CSNK1A1: variants seen among roughly 807,000 people sequenced by gnomAD.
CSNK1A1 encodes the protein casein kinase I isoform alpha.
In CSNK1A1, 7 loss-of-function variants were observed where a neutral mutation model predicts 46.1. That is an observed-to-expected ratio of 0.15 (90% CI 0.09 to 0.29). The LOEUF (loss-of-function observed/expected upper bound fraction) is 0.29. CSNK1A1 is among the 10% of genes least tolerant of loss of function. CSNK1A1 has a pLI of 1.00. For missense variants in CSNK1A1, 96 were observed against 417.1 expected (o/e 0.23, Z 6.71); for synonymous variants, 137 against 141.5 (o/e 0.97, Z 0.23).
chr5:149,544,758 T>TATATATATATATATATATATATACAC lies in CSNK1A1; in HGVS notation c.230+5316_230+5317insGTGTATATATATATATATATATATAT, dbSNP rs150989849. ...AGCTTTATATATATATATATATATA[T>TATATATATATATATATATATATACAC]ATATATAGTTATTGACCAATCATGT... On this transcript the variant is annotated intron_variant, in intron 2 of 9. Coordinates refer to ENST00000377843, the MANE Select transcript of CSNK1A1 (RefSeq NM_001892.6). 7.5e-4 allele frequency among the ~76,000 whole-genome samples: 97 copies of TATATATATATATATATATATATACAC among 129,240 alleles called. 1 individual carries two copies. The highest frequency in any genetic ancestry group is 2.9e-3 in the African/African-American group (91 of 31,514). The allele number at this position is 129,240 out of a possible 152,430, so 84.8% of individuals were successfully genotyped here. A position where few individuals can be genotyped will look rare whatever the true frequency, so the allele number is the denominator to read the frequency against.
chr5:149,538,741 G>A (rs575952945), intron 2 of CSNK1A1, among the ~76,000 whole-genome samples: 1 of 152,222 alleles, frequency 6.6e-6, no homozygotes, highest in South Asian at 2.1e-4. Context: ...TGGCCAACAA[G>A]GAGAAACCCC....
chr5:149,497,687 AC>A, intron 9 of CSNK1A1: 1 of 985,464 alleles, frequency 1.0e-6, no homozygotes, highest in South Asian at 4.7e-5. Context: ...CTCACCAGAC[AC>A]CCACTCTGAG....
chr5:149,528,285 CA>C lies in CSNK1A1; in HGVS notation c.231-3115del, dbSNP rs1403783961. Among the ~76,000 whole-genome samples the C allele has an allele frequency of 4.6e-5, 7 of 152,302 alleles. No homozygotes were observed. In the Middle Eastern group the frequency reaches 0.01, roughly 222 times the overall value. On this transcript the variant is annotated intron_variant, in intron 2 of 9. Coordinates refer to ENST00000377843, the MANE Select transcript of CSNK1A1 (RefSeq NM_001892.6). ...AATAGCTAAAAAAAAATAAGCGTCT[CA>C]AAGGCATTTTACCTTGTGGAGCAAC...
intron 7 of CSNK1A1, 68 bp from the exon 8 acceptor site, chr5:149,507,201 A>C: frequency 1.7e-6 from 2 of 1,207,226 alleles, no homozygotes; most frequent in East Asian, 2.5e-5. Flanking sequence ...AATGCATTTA[A>C]GTATAAGCAA....
rs1554117937 is a variant in CSNK1A1, at chr5:149,543,487, G to GA, written c.230+6587_230+6588insT. Among the ~76,000 whole-genome samples the GA allele has an allele frequency of 2.0e-5, 3 of 146,710 alleles. No homozygotes were observed. The East Asian group carries it at 6.0e-4, about 29-fold the overall frequency. On this transcript the variant is annotated intron_variant, in intron 2 of 9. Coordinates refer to ENST00000377843, the MANE Select transcript of CSNK1A1 (RefSeq NM_001892.6). ...GTGATCTGTGACGTACGTTTTTCTG[G>GA]TTTTTTTTTTTTAGTCCAAGCTAAG...
At chr5:149,531,475 G>A (rs1246049943) in intron 2 of CSNK1A1, among the ~76,000 whole-genome samples, 3 of 151,262 alleles carry the variant, frequency 2.0e-5, no homozygotes, top group Non-Finnish European at 2.9e-5. Flanking sequence ...CCGAGATCAC[G>A]CTATTGCACT....
intron 7 of CSNK1A1, among the ~76,000 whole-genome samples, chr5:149,507,396 T>G (rs1466194099): frequency 6.6e-6 from 1 of 152,170 alleles, no homozygotes; most frequent in African/African-American, 2.4e-5. Flanking sequence ...AGTACTATGT[T>G]CTTAAATAAC....
At chr5:149,504,921 T>C (rs1760977400) in intron 9 of CSNK1A1, 2 of 985,446 alleles carry the variant, frequency 2.0e-6, no homozygotes, top group Non-Finnish European at 1.2e-6. Context: ...ATAGACACTT[T>C]GGGGGTAATG....
intron 7 of CSNK1A1, among the ~76,000 whole-genome samples, chr5:149,508,028 T>G (rs1374009068): frequency 6.6e-6 from 1 of 152,150 alleles, no homozygotes; most frequent in Non-Finnish European, 1.5e-5. Context: ...TACAAAATAT[T>G]AAAAGAGCAC....
intron 9 of CSNK1A1, chr5:149,504,058 C>A: frequency 1.0e-6 from 1 of 985,422 alleles, no homozygotes; most frequent in Non-Finnish European, 1.2e-6. Context: ...ACATTATGAA[C>A]TTCTTGGCAC....
At chr5:149,510,488 GT>G (rs1196291381) in intron 6 of CSNK1A1, among the ~76,000 whole-genome samples, 3 of 150,098 alleles carry the variant, frequency 2.0e-5, no homozygotes, top group Admixed American at 6.6e-5. Flanking sequence ...TTGTTTGTTT[GT>G]TTTTTTGAGA....
intron 9 of CSNK1A1, chr5:149,497,477 T>G: frequency 1.0e-6 from 1 of 986,038 alleles, no homozygotes; most frequent in South Asian, 4.7e-5. Context: ...CTTTATTTAC[T>G]TCTCAAGCCT....
At chr5:149,545,810 T>C in intron 2 of CSNK1A1, 1 of 488,138 alleles carries the variant, frequency 2.0e-6, no homozygotes, top group Non-Finnish European at 3.7e-6. Flanking sequence ...GTCTGTACCT[T>C]AAGCCGCGGC....
At chr5:149,521,596 A>T (rs1179948931) in intron 3 of CSNK1A1, among the ~76,000 whole-genome samples, 2 of 151,210 alleles carry the variant, frequency 1.3e-5, no homozygotes, top group Non-Finnish European at 2.9e-5. Context: ...CTCGATTTAG[A>T]AGTAATCCTT....
intron 2 of CSNK1A1, among the ~76,000 whole-genome samples, chr5:149,531,702 A>C (rs1348152418): frequency 5.8e-5 from 5 of 86,866 alleles, no homozygotes; most frequent in Non-Finnish European, 1.1e-4. Flanking sequence ...ACAAAAAAAA[A>C]AAAAACAAAA....
intron 2 of CSNK1A1, among the ~76,000 whole-genome samples, chr5:149,546,682 G>A (rs1252475488): frequency 6.6e-6 from 1 of 151,298 alleles, no homozygotes; most frequent in African/African-American, 2.4e-5. Flanking sequence ...GAAAACATAG[G>A]GAAGGGATTG....
intron 2 of CSNK1A1, chr5:149,549,541 T>C: frequency 2.9e-6 from 2 of 701,192 alleles, no homozygotes; most frequent in Non-Finnish European, 2.6e-6. Flanking sequence ...GAAGCATAAT[T>C]TGTGAACTCA....
intron 4 of CSNK1A1, 154 bp from the exon 5 acceptor site, chr5:149,513,363 C>A (rs1761291546): frequency 3.1e-6 from 2 of 653,914 alleles, no homozygotes; most frequent in East Asian, 6.0e-5. Context: ...ACTTAACACC[C>A]CCCCATAAGC....
chr5:149,505,734 T>C, intron 8 of CSNK1A1, 139 bp from the exon 9 acceptor site: 2 of 678,788 alleles, frequency 2.9e-6, no homozygotes, highest in Admixed American at 2.8e-5. Context: ...AAAATATTTC[T>C]TATTATAGAT....
Sources: gnomAD v4.1 joint callset for allele counts (sites outside exome capture counted in the v4.1 genomes callset) on GRCh38, gnomAD v4.1.1 for gene constraint, MANE v1.5 for transcripts, NCBI Gene and HGNC (gene_info 2026-07-23, HGNC 2026-07-21) for gene names.